The following RYR3 variants were observed in gnomAD, a reference collection of about 807,000 sequenced individuals.
RYR3 encodes brain ryanodine receptor-calcium release channel.
A neutral mutation model predicts 584.3 loss-of-function variants in RYR3; 207 were observed. The ratio of observed to expected loss-of-function variants is 0.35; its 90% CI spans 0.32 to 0.40. The LOEUF is 0.40. Among genes scored for constraint, RYR3 ranks in the 10% least tolerant of loss-of-function variants. The probability of loss-of-function intolerance (pLI) is 1.00; values close to 1 mark genes in which losing one functional copy is unlikely to be tolerated. For missense variants in RYR3, 5,616 were observed against 6,089.2 expected (o/e 0.92, Z 2.59); for synonymous variants, 2,416 against 2,248.5 (o/e 1.07, Z -2.11).
intron 36 of RYR3, among the ~76,000 whole-genome samples, chr15:33,668,195 TG>T (rs1012336309): frequency 4.7e-5 from 7 of 149,478 alleles, no homozygotes; most frequent in Admixed American, 6.7e-5. Context: ...CGGGCGCCTG[TG>T]GTCCCAGCTA....
At chr15:33,805,540 C>A (rs542636967) in intron 69 of RYR3, among the ~76,000 whole-genome samples, 1 of 150,144 alleles carries the variant, frequency 6.7e-6, no homozygotes, top group South Asian at 2.1e-4. Context: ...TACAGTGGTG[C>A]GATCTCGGCT....
chr15:33,347,364 C>CATGGATATTTATTCTGT (rs2140894946), intron 1 of RYR3, among the ~76,000 whole-genome samples: 2 of 152,070 alleles, frequency 1.3e-5, no homozygotes, highest in Non-Finnish European at 2.9e-5. Flanking sequence ...TAAATGGAAT[C>CATGGATATTTATTCTGT]ATGGATATTT....
chr15:33,704,614 G>C (rs1023617763), intron 42 of RYR3, among the ~76,000 whole-genome samples: 2 of 152,242 alleles, frequency 1.3e-5, no homozygotes, highest in African/African-American at 4.8e-5. Context: ...AAATAGCTCA[G>C]TGTTTTAGGT....
intron 1 of RYR3, among the ~76,000 whole-genome samples, chr15:33,366,698 C>T (rs143691230): frequency 9.8e-5 from 15 of 152,294 alleles, no homozygotes; most frequent in African/African-American, 3.6e-4. Flanking sequence ...TGAGGAGCCT[C>T]AGTGTGCTAG....
chr15:33,694,813 C>CT (rs1265924457), intron 38 of RYR3, among the ~76,000 whole-genome samples: 1 of 152,142 alleles, frequency 6.6e-6, no homozygotes, highest in African/African-American at 2.4e-5. Context: ...CTTGGGTGTC[C>CT]TTTTTTAAGG....
At chr15:33,401,489 A>T (rs1183752334) in intron 1 of RYR3, among the ~76,000 whole-genome samples, 2 of 152,206 alleles carry the variant, frequency 1.3e-5, no homozygotes, top group South Asian at 4.1e-4. Context: ...TATCACTGCC[A>T]GCTGAAAACT....
intron 16 of RYR3, among the ~76,000 whole-genome samples, chr15:33,591,892 T>C (rs1346502227): frequency 7.2e-5 from 11 of 152,222 alleles, no homozygotes; most frequent in Non-Finnish European, 1.6e-4. Context: ...ATAGTTAGCA[T>C]TTGTTTGATC....
Position 33,800,753 on chromosome 15 carries a change from T to C in RYR3, c.9831-17T>C. ...CTACTGAATTTCAAATGCCTGTTTA[T>C]TTACTTTTGGACCCAGATCTAACTG... is the stretch of plus-strand genomic sequence containing the variant. On this transcript the variant is annotated splice_polypyrimidine_tract_variant and intron_variant, in intron 67 of 103. Transcript: ENST00000634891. 1 of 1,594,108 alleles carries C rather than the reference T, an allele frequency of 6.3e-7. No individual in the cohort carries two copies. Among genetic ancestry groups the C allele is most frequent in the Non-Finnish European group, 8.6e-7 (1 of 1,161,802 alleles).
chr15:33,799,407 T>G (rs974737671), intron 67 of RYR3, among the ~76,000 whole-genome samples: 1 of 151,646 alleles, frequency 6.6e-6, no homozygotes, highest in Non-Finnish European at 1.5e-5. Context: ...TGGCCAGGGG[T>G]TTCACCAATC....
intron 3 of RYR3, among the ~76,000 whole-genome samples, chr15:33,510,225 C>T (rs1457915149): frequency 6.6e-6 from 1 of 152,180 alleles, no homozygotes; most frequent in Non-Finnish European, 1.5e-5. Flanking sequence ...AATAATGCCA[C>T]CAACTGGAAA....
intron 18 of RYR3, among the ~76,000 whole-genome samples, chr15:33,608,909 A>G (rs1465226317): frequency 1.3e-5 from 2 of 152,228 alleles, no homozygotes; most frequent in African/African-American, 2.4e-5. Flanking sequence ...TCTCCCAGCC[A>G]TATTTCCTCT....
At chr15:33,617,203 A>G (rs1595850458) in intron 19 of RYR3, among the ~76,000 whole-genome samples, 2 of 151,720 alleles carry the variant, frequency 1.3e-5, no homozygotes, top group Non-Finnish European at 2.9e-5. Flanking sequence ...TCATGAGGTC[A>G]GGAGATTGAG....
chr15:33,710,710 T>C (rs1288164918), intron 43 of RYR3, among the ~76,000 whole-genome samples: 1 of 152,214 alleles, frequency 6.6e-6, no homozygotes, highest in Non-Finnish European at 1.5e-5. Flanking sequence ...AGCTGACAAG[T>C]GTTCTCCACT....
intron 1 of RYR3, among the ~76,000 whole-genome samples, chr15:33,405,954 G>T (rs2042988653): frequency 6.6e-6 from 1 of 152,196 alleles, no homozygotes; most frequent in African/African-American, 2.4e-5. Context: ...AGAAAAGAAT[G>T]TGTCACTCCC....
intron 100 of RYR3, among the ~76,000 whole-genome samples, chr15:33,860,284 G>C (rs1242650573): frequency 1.3e-5 from 2 of 152,012 alleles, no homozygotes; most frequent in Non-Finnish European, 2.9e-5. Flanking sequence ...AAGAGGGAGA[G>C]CCTATCACAC....
rs751020610 is a variant in RYR3, at chr15:33,831,012, A to G, written c.11384A>G (p.Asp3795Gly). The change falls in exon 86 of 104, where the codon GAT (aspartate) becomes GGT (glycine). Residue 3795 changes from aspartate (D) to glycine (G), a missense_variant. Coordinates refer to ENST00000634891, the MANE Select transcript of RYR3 (RefSeq NM_001036.6). ...YWYYSGKDII[D>G]ESGQHNFSKA... The stretch of plus-strand genomic sequence containing the variant: ...TATTATTCAGGGAAGGACATCATTG[A>G]TGAATCTGGACAGCACAATTTTTCC... The G allele has an allele frequency of 3.1e-5, 50 of 1,613,644 alleles. No homozygotes were observed. The Admixed American group carries it at 8.3e-4, about 27-fold the overall frequency.
At chr15:33,795,652 C>T (rs560002287) in intron 67 of RYR3, among the ~76,000 whole-genome samples, 1 of 152,114 alleles carries the variant, frequency 6.6e-6, no homozygotes, top group African/African-American at 2.4e-5. Context: ...CCTTGGCCTC[C>T]CAAAGTGCTG....
At position 33,861,130 on chromosome 15, in the gene RYR3, A is replaced by G. The variant is rs1280070158; in HGVS notation, c.14417A>G (p.His4806Arg). 6.3e-7 allele frequency: 1 copy of G among 1,597,706 alleles called. No homozygotes were observed. The stretch of plus-strand genomic sequence containing the variant: ...AATGACTACTTTGACACAACCCCTC[A>G]TGGTTTTGAAACACATACATTACAA... ...IGNDYFDTTP[H>R]GFETHTLQEH... Residue 4806 changes from histidine to arginine, a missense_variant, in exon 102 of 104, where the codon CAT becomes CGT. This residue lies in a region of RYR3 where 918 missense variants were observed against 887.4 expected (regional missense o/e 1.03). Coordinates refer to ENST00000634891, the MANE Select transcript of RYR3 (RefSeq NM_001036.6).
chr15:33,369,580 A>ATCTATCTG (rs375511927), intron 1 of RYR3, among the ~76,000 whole-genome samples: 1,866 of 151,640 alleles, frequency 0.012, 53 homozygotes, highest in African/African-American at 0.043. Context: ...TCATCTATCT[A>ATCTATCTG]TCTGTCTGTC....
Sources: gnomAD v4.1 joint callset for allele counts (sites outside exome capture counted in the v4.1 genomes callset) on GRCh38, gnomAD v4.1.1 for gene constraint, gnomAD v4.1.1 regional missense constraint, MANE v1.5 for transcripts, NCBI Gene and HGNC (gene_info 2026-07-23, HGNC 2026-07-21) for gene names.